AKR1C3: variants seen among roughly 807,000 people sequenced by gnomAD.
AKR1C3 encodes 3-alpha hydroxysteroid dehydrogenase, type II.
A neutral mutation model predicts 43.6 loss-of-function variants in AKR1C3; 48 were observed. The ratio of observed to expected loss-of-function variants is 1.10; its 90% confidence interval spans 0.87 to 1.40. AKR1C3 has a LOEUF of 1.40. Ranked by LOEUF, AKR1C3 falls within the 40% of genes most tolerant of loss-of-function variation. AKR1C3 has a pLI of 0.00. For missense variants in AKR1C3, 482 were observed against 391.2 expected (o/e 1.23, Z -1.96); for synonymous variants, 162 against 139.6 (o/e 1.16, Z -1.13).
intron 8 of AKR1C3, among the ~76,000 whole-genome samples, chr10:5,106,147 A>G (rs1033967583): frequency 1.3e-5 from 2 of 152,122 alleles, no homozygotes; most frequent in Admixed American, 1.3e-4. Flanking sequence ...GATCCTGTCA[A>G]TTCAGCATCT....
intron 1 of AKR1C3, among the ~76,000 whole-genome samples, chr10:5,060,869 AG>A (rs1554780167): frequency 6.6e-6 from 1 of 152,244 alleles, no homozygotes; most frequent in East Asian, 1.9e-4. Context: ...AATTGAGCAC[AG>A]CAGCTGCTGG....
At chr10:5,089,597 G>GT (rs1365637746), upstream of AKR1C3, among the ~76,000 whole-genome samples, 3 of 151,684 alleles carry the variant, frequency 2.0e-5, no homozygotes, top group Non-Finnish European at 2.9e-5. Flanking sequence ...CAAATTTTTG[G>GT]TTTTTTCCCA....
At chr10:5,066,946 A>T (rs1838517559) in intron 1 of AKR1C3, among the ~76,000 whole-genome samples, 1 of 152,246 alleles carries the variant, frequency 6.6e-6, no homozygotes. Flanking sequence ...TGGAAAAAGC[A>T]CTTAACAAAT....
At chr10:5,049,017 C>T in intron 1 of AKR1C3, 1 of 745,734 alleles carries the variant, frequency 1.3e-6, no homozygotes, top group Non-Finnish European at 2.3e-6. Context: ...CTGAGTTTCC[C>T]TAGGTTAAAG....
chr10:5,060,282 A>G (rs1838354423), intron 1 of AKR1C3, among the ~76,000 whole-genome samples: 1 of 152,144 alleles, frequency 6.6e-6, no homozygotes, highest in Non-Finnish European at 1.5e-5. Context: ...GCCTGCTTTT[A>G]TTCTCTTTTC....
At chr10:5,052,654 C>T (rs1306775027) in intron 1 of AKR1C3, among the ~76,000 whole-genome samples, 13 of 151,264 alleles carry the variant, frequency 8.6e-5, no homozygotes, top group South Asian at 2.1e-4. Context: ...TTATAAACCT[C>T]GAGCTAGATA....
At chr10:5,099,545 T>G in intron 5 of AKR1C3, 96 bp downstream of exon 5, 1 of 1,577,562 alleles carries the variant, frequency 6.3e-7, no homozygotes, top group Non-Finnish European at 8.6e-7. Flanking sequence ...GTTATCTTTG[T>G]GAAGTAGAAG....
chr10:5,055,304 C>T (rs1838236358), intron 1 of AKR1C3, among the ~76,000 whole-genome samples: 1 of 152,346 alleles, frequency 6.6e-6, no homozygotes, highest in South Asian at 2.1e-4. Flanking sequence ...AATTTGTTGG[C>T]AGTCATGCTC....
chr10:5,098,684 C>A, intron 3 of AKR1C3, 118 bp from the exon 4 acceptor site: 1 of 775,394 alleles, frequency 1.3e-6, no homozygotes, highest in Non-Finnish European at 2.2e-6. Context: ...ATATCACTTT[C>A]TGGAGCATTG....
At chr10:5,073,749 C>T (rs1554781544) in intron 1 of AKR1C3, among the ~76,000 whole-genome samples, 1 of 152,182 alleles carries the variant, frequency 6.6e-6, no homozygotes, top group African/African-American at 2.4e-5. Flanking sequence ...TTGCTGCTAT[C>T]AAGAACATCA....
intron 1 of AKR1C3, among the ~76,000 whole-genome samples, chr10:5,070,408 T>C (rs1221695482): frequency 6.6e-6 from 1 of 152,198 alleles, no homozygotes; most frequent in Non-Finnish European, 1.5e-5. Flanking sequence ...CTCCACATTG[T>C]GGAAGTGGGC....
chr10:5,054,475 G>T (rs542183757), intron 1 of AKR1C3, among the ~76,000 whole-genome samples: 1 of 152,294 alleles, frequency 6.6e-6, no homozygotes, highest in East Asian at 1.9e-4. Context: ...AAAGACTAAG[G>T]TGCAGGTGCC....
chr10:5,048,926 G>T, intron 1 of AKR1C3: 1 of 1,582,790 alleles, frequency 6.3e-7, no homozygotes, highest in Non-Finnish European at 8.7e-7. Flanking sequence ...GCAGAGAGTT[G>T]AAAAGAGCAA....
intron 1 of AKR1C3, among the ~76,000 whole-genome samples, chr10:5,069,059 C>T (rs1472015986): frequency 6.6e-6 from 1 of 152,144 alleles, no homozygotes; most frequent in Non-Finnish European, 1.5e-5. Flanking sequence ...TTACATTTTT[C>T]ACTTTTCTGA....
chr10:5,054,159 C>T (rs1838213400), intron 1 of AKR1C3, among the ~76,000 whole-genome samples: 1 of 152,258 alleles, frequency 6.6e-6, no homozygotes, highest in Non-Finnish European at 1.5e-5. Flanking sequence ...GTCCTCCTTT[C>T]TCAGCAGTGA....
chr10:5,069,070 C>G (rs1554781080), intron 1 of AKR1C3, among the ~76,000 whole-genome samples: 1 of 152,022 alleles, frequency 6.6e-6, no homozygotes, highest in Admixed American at 6.6e-5. Flanking sequence ...ACTTTTCTGA[C>G]AAAATATTTG....
Position 5,102,537 on chromosome 10 carries a change from G to A in AKR1C3, c.733G>A (p.Ala245Thr), listed in dbSNP as rs1554786254. The change falls in exon 7 of 9, where the codon GCA (alanine) becomes ACA (threonine). Residue 245 changes from alanine (A) to threonine (T), a missense_variant. Transcript: ENST00000380554. ...GGAGGACCCAGTCCTTTGTGCCTTG[G>A]CAAAAAAGCACAAGCGAACCCCAGC... Reference protein sequence around the residue: ...LLEDPVLCALAKKHKRTPALI... With the variant: ...LLEDPVLCALTKKHKRTPALI... 5.1e-6 allele frequency: 8 copies of A among 1,574,780 alleles called. No individual in the cohort carries two copies. The Admixed American group carries it at 1.2e-4, about 24-fold the overall frequency.
Position 5,107,558 on chromosome 10 carries a change from A to G in AKR1C3, c.*55A>G. 3 of 1,402,278 alleles carry G rather than the reference A, an allele frequency of 2.1e-6. No individual in the cohort carries two copies. The African/African-American group carries it at 4.3e-5, about 20-fold the overall frequency. 86.9% of individuals were successfully genotyped at this position (1,402,278 alleles called of 1,614,324 possible). A position where few individuals can be genotyped will look rare whatever the true frequency, so the allele number is the denominator to read the frequency against. On this transcript the variant is annotated 3_prime_UTR_variant, in exon 9 of 9. Coordinates refer to ENST00000380554, the MANE Select transcript of AKR1C3 (RefSeq NM_003739.6). ...AAGCCCTGTGTGTGGATGGTGACGC[A>G]GAGGACGTCTCTATGCCGGTGACTG...
chr10:5,052,394 T>C (rs1383447677), intron 1 of AKR1C3, among the ~76,000 whole-genome samples: 1 of 152,234 alleles, frequency 6.6e-6, no homozygotes, highest in African/African-American at 2.4e-5. Context: ...TTGCCACTGC[T>C]GGCTTGGCCA....
Sources: gnomAD v4.1 joint callset for allele counts (sites outside exome capture counted in the v4.1 genomes callset) on GRCh38, gnomAD v4.1.1 for gene constraint, MANE v1.5 for transcripts, NCBI Gene and HGNC (gene_info 2026-07-23, HGNC 2026-07-21) for gene names.